SLC27A1: variants seen among roughly 807,000 people sequenced by gnomAD.
SLC27A1 encodes the protein long-chain fatty acid transport protein 1.
Under a neutral mutation model 62.2 loss-of-function variants are expected in SLC27A1, and 61 were observed. The ratio of observed to expected loss-of-function variants is 0.98; its 90% CI spans 0.80 to 1.21. The LOEUF is 1.21. Among genes scored for constraint, SLC27A1 ranks in the 50% most tolerant of loss-of-function variants. The pLI is 0.00. For missense variants in SLC27A1, 903 were observed against 932.1 expected (o/e 0.97, Z 0.41); for synonymous variants, 435 against 408.6 (o/e 1.06, Z -0.78).
chr19:17,486,272 A>T lies in SLC27A1; in HGVS notation c.168-291A>T, dbSNP rs542251067. 2.4e-4 allele frequency among the ~76,000 whole-genome samples: 37 copies of T among 152,262 alleles called. No individual in the cohort carries two copies. Among genetic ancestry groups the T allele is most frequent in the African/African-American group, 8.2e-4 (34 of 41,554 alleles). On this transcript the variant is annotated intron_variant, in intron 1 of 11. Transcript: ENST00000252595. This position sits in a 1 kb window ranked among gnomAD's most constrained non-coding sequence, Gnocchi z 6.6. ...GTGCTCCAGACGTCGCAGGGGACAG[A>T]AAGGAGGATGGGTTCAGGCCCCAGC...
At chr19:17,501,802 CAAA>C (rs71162147) in intron 11 of SLC27A1, among the ~76,000 whole-genome samples, 2 of 66,104 alleles carry the variant, frequency 3.0e-5, no homozygotes. Context: ...TACTCTGTCT[CAAA>C]AAAAAAAAAA....
intron 6 of SLC27A1, chr19:17,491,115 C>G (rs1263190653): frequency 6.6e-6 from 1 of 151,398 alleles, no homozygotes; most frequent in East Asian, 1.9e-4. Context: ...GCAGGAGAAT[C>G]GCTTGAACCT....
rs1375033699 is a variant in SLC27A1 at position 17,480,393 on chromosome 19, A to G, written c.168-6170A>G. ...TTTCTTTCTCTTTTTTTTTTCATGA[A>G]GAAGTTTTACTCTGTCACCCAGGCT... On this transcript the variant is annotated intron_variant, in intron 1 of 11. Transcript: ENST00000252595. Among the ~76,000 whole-genome samples, 3 of 149,186 alleles carry G rather than the reference A, an allele frequency of 2.0e-5. No homozygotes were observed. The East Asian group carries it at 6.0e-4, about 30-fold the overall frequency.
rs911972692 is a variant in SLC27A1, at chr19:17,506,162, G to A, written c.*1550G>A. The A allele has an allele frequency of 2.0e-5, 3 of 152,194 alleles. No individual in the cohort carries two copies. Among genetic ancestry groups the A allele is most frequent in the Admixed American group, 6.5e-5 (1 of 15,272 alleles). The allele number at this position is 152,194 out of a possible 1,614,324, so 9.4% of individuals were successfully genotyped here. On this transcript the variant is annotated 3_prime_UTR_variant, in exon 12 of 12. Coordinates refer to ENST00000252595, the MANE Select transcript of SLC27A1 (RefSeq NM_198580.3). Reference sequence around the variant, plus strand: ...AATTGATTTAAGAAATAAACCTGAAGACCGTCTGGTGCCTGCTGGGAGCCC... The same window carrying A: ...AATTGATTTAAGAAATAAACCTGAAAACCGTCTGGTGCCTGCTGGGAGCCC...
chr19:17,498,273 G>A (rs955635022), intron 7 of SLC27A1: 1 of 152,214 alleles, frequency 6.6e-6, no homozygotes, highest in Non-Finnish European at 1.5e-5. Context: ...GGAGGCTGAG[G>A]CGGGAGGATC....
chr19:17,505,110 T>C lies in SLC27A1; in HGVS notation c.*498T>C, dbSNP rs973488165. The C allele has an allele frequency of 2.8e-6, 1 of 352,460 alleles. No homozygotes were observed. The highest frequency in any genetic ancestry group is 2.1e-5 in the African/African-American group (1 of 46,586). The allele number at this position is 352,460 out of a possible 1,614,324, so 21.8% of individuals were successfully genotyped here. On this transcript the variant is annotated 3_prime_UTR_variant, in exon 12 of 12. Transcript: ENST00000252595. ...GGTTTCACCATGTTGGTCAGGTTGG[T>C]CTTGAACTCCTGACCTCAGGTGATC...
At position 17,500,227 on chromosome 19, in the gene SLC27A1, A is replaced by C. The variant is rs771082643; in HGVS notation, c.1207-51A>C. The C allele has an allele frequency of 3.1e-6, 5 of 1,593,040 alleles. No homozygotes were observed. The African/African-American group carries it at 5.4e-5, about 17-fold the overall frequency. On this transcript the variant is annotated intron_variant, in intron 7 of 11. Coordinates refer to ENST00000252595, the MANE Select transcript of SLC27A1 (RefSeq NM_198580.3). ...GCAAGGCAGGCAAAGTGTTACTGAGAAGGACCCCGCATATCCCCGGCTCCT... is the reference window on the plus strand; with the variant it reads ...GCAAGGCAGGCAAAGTGTTACTGAGCAGGACCCCGCATATCCCCGGCTCCT...
intron 7 of SLC27A1, chr19:17,500,012 T>TG (rs2075391831): frequency 1.9e-6 from 1 of 521,420 alleles, no homozygotes; most frequent in Non-Finnish European, 3.4e-6. Context: ...ATCTACTTCC[T>TG]GCCAGCATGG....
At chr19:17,490,560 T>A (rs1005435906) in intron 6 of SLC27A1, among the ~76,000 whole-genome samples, 1 of 152,018 alleles carries the variant, frequency 6.6e-6, no homozygotes, top group Non-Finnish European at 1.5e-5. Context: ...CCAGAGGCTA[T>A]CAGATACCCT....
chr19:17,497,591 C>G (rs1271592205), intron 7 of SLC27A1, 127 bp downstream of exon 7: 1 of 849,310 alleles, frequency 1.2e-6, no homozygotes, highest in South Asian at 1.5e-5. Context: ...AAGGCGCACG[C>G]AGGGCGGGGT....
chr19:17,474,858 G>A (rs1366425504), intron 1 of SLC27A1, among the ~76,000 whole-genome samples: 2 of 150,910 alleles, frequency 1.3e-5, no homozygotes, highest in Non-Finnish European at 3.0e-5. Flanking sequence ...TTGAACTCCC[G>A]ACCTCAGGTG....
intron 1 of SLC27A1, among the ~76,000 whole-genome samples, chr19:17,478,064 A>G (rs570348580): frequency 1.1e-3 from 171 of 152,248 alleles, no homozygotes; most frequent in Non-Finnish European, 2.0e-3. Context: ...CCACGCCTGA[A>G]GAAAGCTGCT....
Position 17,501,283 on chromosome 19 carries a change from T to C in SLC27A1, c.1647T>C (p.Gly549=). The change falls in exon 11 of 12, where the codon GGT becomes GGC. Residue 549 remains glycine (G), a synonymous_variant. Transcript: ENST00000252595. ...VYGVAVPGVE[G]KAGMAAVADP... ...AGCCTCTGCCTCCAGGAGTGGAGGGTAAGGCAGGGATGGCGGCCGTCGCAG... is the reference window on the plus strand; with the variant it reads ...AGCCTCTGCCTCCAGGAGTGGAGGGCAAGGCAGGGATGGCGGCCGTCGCAG... 6.2e-7 allele frequency: 1 copy of C among 1,612,090 alleles called. No individual in the cohort carries two copies. The highest frequency in any genetic ancestry group is 8.5e-7 in the Non-Finnish European group (1 of 1,179,698).
At chr19:17,491,240 T>G (rs2075291142) in intron 6 of SLC27A1, 1 of 151,088 alleles carries the variant, frequency 6.6e-6, no homozygotes, top group Non-Finnish European at 1.5e-5. Flanking sequence ...GCATTCACAA[T>G]GTACAATCAC....
At chr19:17,482,324 G>T (rs931570403) in intron 1 of SLC27A1, among the ~76,000 whole-genome samples, 1 of 152,150 alleles carries the variant, frequency 6.6e-6, no homozygotes, top group Non-Finnish European at 1.5e-5. Context: ...CTTGAGACCA[G>T]CCTGGCCAAC....
intron 6 of SLC27A1, 139 bp downstream of exon 6, chr19:17,489,256 T>TCTCCCAGCCAGGCCCCGCCCC (rs2075271448): frequency 1.5e-6 from 1 of 675,574 alleles, no homozygotes; most frequent in Non-Finnish European, 2.5e-6. Flanking sequence ...GGTCCCGTCC[T>TCTCCCAGCCAGGCCCCGCCCC]CTCCCAGCCA....
rs1374111735 is a variant in SLC27A1 at position 17,495,719 on chromosome 19, C to G, written c.997-1536C>G. 2.0e-5 allele frequency: 3 copies of G among 152,218 alleles called. No individual in the cohort carries two copies. The East Asian group carries it at 5.8e-4, about 30-fold the overall frequency. 9.4% of individuals were successfully genotyped at this position (152,218 alleles called of 1,614,324 possible). Reference sequence around the variant, plus strand: ...GAGAATGGAGGGAGAGGACCCTCCCCCTTAGGGACCTGCTGTTGGTCAGCA... The same window carrying G: ...GAGAATGGAGGGAGAGGACCCTCCCGCTTAGGGACCTGCTGTTGGTCAGCA... On this transcript the variant is annotated intron_variant, in intron 6 of 11. Transcript: ENST00000252595.
At chr19:17,470,785 CG>C in intron 1 of SLC27A1, 78 bp downstream of exon 1, 1 of 1,001,438 alleles carries the variant, frequency 1.0e-6, no homozygotes, top group Non-Finnish European at 1.2e-6. Flanking sequence ...GGCTGGGTTG[CG>C]GGGACGGCTT....
rs766113765 is a variant in SLC27A1 at position 17,486,599 on chromosome 19, G to A, written c.204G>A (p.Leu68=). 3.1e-6 allele frequency: 5 copies of A among 1,593,768 alleles called. No homozygotes were observed. The Admixed American group carries it at 6.8e-5, about 22-fold the overall frequency. ...TGCTGATCCGCGTGCGCCTGGAGCT[G>A]CGGCGGCACCAGCGTGCCGGCCACA... is the stretch of plus-strand genomic sequence containing the variant. The part of the protein sequence containing the change: ...LSVLIRVRLE[L]RRHQRAGHTI... Residue 68 remains leucine (L), a synonymous_variant, in exon 2 of 12, where the codon CTG becomes CTA. Coordinates refer to ENST00000252595, the MANE Select transcript of SLC27A1 (RefSeq NM_198580.3). This position sits in a 1 kb window ranked among gnomAD's most constrained non-coding sequence, Gnocchi z 6.6.
Sources: allele counts gnomAD v4.1 joint callset (sites outside exome capture counted in the v4.1 genomes callset), GRCh38; gene constraint gnomAD v4.1.1; non-coding constraint Gnocchi (gnomAD v3.1); transcripts MANE v1.5; gene names NCBI Gene and HGNC (gene_info 2026-07-23, HGNC 2026-07-21).